The following SUPT3H variants were observed in gnomAD, a reference collection of about 807,000 sequenced individuals.
SUPT3H encodes the protein transcription initiation protein SPT3 homolog.
SUPT3H carries 44 observed loss-of-function variants against 44.3 expected under a neutral mutation model. That is an observed-to-expected ratio of 0.99 (90% CI 0.78 to 1.28). SUPT3H has a LOEUF of 1.28. Among genes scored for constraint, SUPT3H ranks in the 50% most tolerant of loss-of-function variants. The pLI is 0.00. For missense variants in SUPT3H, 380 were observed against 387.1 expected, an observed-to-expected ratio of 0.98 and a Z score of 0.15; for synonymous variants, 124 against 125.6, an observed-to-expected ratio of 0.99 and a Z score of 0.09.
At chr6:45,037,472 C>T (rs1420816979) in intron 3 of SUPT3H, among the ~76,000 whole-genome samples, 1 of 150,406 alleles carries the variant, frequency 6.6e-6, no homozygotes, top group Non-Finnish European at 1.5e-5. Context: ...TATGGTGAAA[C>T]CCTGTCTCTA....
chr6:44,873,451 C>A (rs1582124032), intron 10 of SUPT3H, among the ~76,000 whole-genome samples: 1 of 40,230 alleles, frequency 2.5e-5, no homozygotes, highest in Admixed American at 3.8e-4. Flanking sequence ...TTGAAACCAA[C>A]GAGAACAAAG....
At chr6:45,176,828 A>G (rs1812018049) in intron 2 of SUPT3H, among the ~76,000 whole-genome samples, 2 of 151,766 alleles carry the variant, frequency 1.3e-5, no homozygotes, top group Admixed American at 6.6e-5. Flanking sequence ...ACACAAGGCC[A>G]GGTACTCCAA....
At chr6:44,905,165 C>G (rs898151223) in intron 10 of SUPT3H, among the ~76,000 whole-genome samples, 157 of 152,100 alleles carry the variant, frequency 1.0e-3, no homozygotes, top group Middle Eastern at 3.4e-3. Flanking sequence ...CCAAAATTGA[C>G]AAATGGGATC....
intron 10 of SUPT3H, among the ~76,000 whole-genome samples, chr6:44,861,287 G>A (rs1027034375): frequency 1.3e-5 from 2 of 152,074 alleles, no homozygotes; most frequent in African/African-American, 2.4e-5. Context: ...TGTTGCCCAG[G>A]CTAATCTCAA....
chr6:44,964,537 C>A (rs577638473), intron 6 of SUPT3H, among the ~76,000 whole-genome samples: 4 of 152,112 alleles, frequency 2.6e-5, no homozygotes, highest in Non-Finnish European at 5.9e-5. Flanking sequence ...TTAAGGTTGC[C>A]AGGATTGCCA....
chr6:45,192,012 C>A (rs1436786184), intron 2 of SUPT3H, among the ~76,000 whole-genome samples: 2 of 152,086 alleles, frequency 1.3e-5, no homozygotes, highest in Admixed American at 1.3e-4. Context: ...ACTGAGTAAA[C>A]TGATGTCAGA....
chr6:45,232,038 T>C (rs1768154413), intron 2 of SUPT3H, among the ~76,000 whole-genome samples: 1 of 152,232 alleles, frequency 6.6e-6, no homozygotes, highest in African/African-American at 2.4e-5. Context: ...TGAGCATTTT[T>C]AGTTTAATTT....
rs148930264 is a variant in SUPT3H, at chr6:44,899,678, C to T, written c.912+32975G>A. ...CTCCAACCTGGGCAACAGAGTGAGA[C>T]TCGTCTCAAAACAAAACAAAACAAA... is the stretch of plus-strand genomic sequence containing the variant. On this transcript the variant is annotated intron_variant, in intron 10 of 10. Transcript: ENST00000371459. 2.7e-3 allele frequency among the ~76,000 whole-genome samples: 413 copies of T among 152,252 alleles called. 17 individuals are homozygous for T. The East Asian group carries it at 0.07, about 26-fold the overall frequency.
intron 10 of SUPT3H, among the ~76,000 whole-genome samples, chr6:44,900,237 G>A (rs757480208): frequency 1.3e-5 from 2 of 152,192 alleles, no homozygotes; most frequent in Admixed American, 6.5e-5. Flanking sequence ...TGCCTCACCC[G>A]GGAAGCACAA....
chr6:45,027,616 A>G (rs1215994537), intron 3 of SUPT3H, among the ~76,000 whole-genome samples: 1 of 152,210 alleles, frequency 6.6e-6, no homozygotes, highest in African/African-American at 2.4e-5. Flanking sequence ...AAGATTAAAA[A>G]ATAGGCACTT....
intron 3 of SUPT3H, among the ~76,000 whole-genome samples, chr6:45,078,494 C>A (rs1795317052): frequency 6.6e-6 from 1 of 152,148 alleles, no homozygotes; most frequent in African/African-American, 2.4e-5. Context: ...AAATTTAGCT[C>A]TATTGGTGAG....
chr6:44,861,455 T>C (rs1774649703), intron 10 of SUPT3H, among the ~76,000 whole-genome samples: 2 of 151,968 alleles, frequency 1.3e-5, no homozygotes, highest in South Asian at 4.2e-4. Flanking sequence ...GGCACAATCT[T>C]GTCTCACTAC....
intron 3 of SUPT3H, among the ~76,000 whole-genome samples, chr6:45,100,504 T>A (rs567173220): frequency 3.9e-5 from 5 of 128,690 alleles, no homozygotes; most frequent in Non-Finnish European, 7.7e-5. Flanking sequence ...CCCAGGAGTT[T>A]GAGACCAGTC....
chr6:44,986,148 G>A (rs1421870075), intron 6 of SUPT3H, among the ~76,000 whole-genome samples: 1 of 152,070 alleles, frequency 6.6e-6, no homozygotes, highest in South Asian at 2.1e-4. Context: ...AACAAAACTC[G>A]AGAAGTTTCT....
At chr6:44,853,836 A>C (rs1018321446) in intron 10 of SUPT3H, among the ~76,000 whole-genome samples, 2 of 152,112 alleles carry the variant, frequency 1.3e-5, no homozygotes, top group Non-Finnish European at 2.9e-5. Flanking sequence ...GATAAGAACT[A>C]CTGAGAGTAG....
chr6:45,029,392 T>C (rs1305389512), intron 3 of SUPT3H, among the ~76,000 whole-genome samples: 6 of 150,862 alleles, frequency 4.0e-5, no homozygotes, highest in Non-Finnish European at 7.4e-5. Flanking sequence ...TGTGTACATA[T>C]ATTGCATGTG....
intron 6 of SUPT3H, 27 bp from the exon 7 acceptor site, chr6:44,961,855 T>G (rs767756298): frequency 1.1e-4 from 173 of 1,534,882 alleles, no homozygotes; most frequent in Middle Eastern, 1.0e-3. Context: ...CATAACATTT[T>G]TTAAAGCAAG....
At chr6:45,091,254 C>G (rs1562440464) in intron 3 of SUPT3H, among the ~76,000 whole-genome samples, 1 of 151,924 alleles carries the variant, frequency 6.6e-6, no homozygotes, top group South Asian at 2.1e-4. Flanking sequence ...AGACTTGAAA[C>G]TGAATTTGTA....
At chr6:45,207,599 C>T (rs1763394394) in intron 2 of SUPT3H, among the ~76,000 whole-genome samples, 1 of 152,108 alleles carries the variant, frequency 6.6e-6, no homozygotes, top group Admixed American at 6.6e-5. Flanking sequence ...TTTTCAACAG[C>T]ATGGGCTCAT....
Sources: gnomAD v4.1 joint callset for allele counts (sites outside exome capture counted in the v4.1 genomes callset) on GRCh38, gnomAD v4.1.1 for gene constraint, MANE v1.5 for transcripts, NCBI Gene and HGNC (gene_info 2026-07-23, HGNC 2026-07-21) for gene names.